The following ERO1A variants were observed in gnomAD, a reference collection of about 807,000 sequenced individuals.
ERO1A encodes ERO1-like protein alpha.
A neutral mutation model predicts 76.9 loss-of-function variants in ERO1A; 49 were observed. The observed-to-expected ratio is 0.64, with a 90% confidence interval of 0.51 to 0.81. The LOEUF is 0.81. Ranked by LOEUF, ERO1A falls within the 30% of genes least tolerant of loss-of-function variation. ERO1A has a pLI of 0.00. For synonymous variants in ERO1A, 174 were observed against 181.2 expected, an observed-to-expected ratio of 0.96 and a Z score of 0.32; for missense variants, 448 against 542.1, an observed-to-expected ratio of 0.83 and a Z score of 1.72.
At chr14:52,656,625 T>A (rs1467299833) in intron 11 of ERO1A, among the ~76,000 whole-genome samples, 1 of 142,998 alleles carries the variant, frequency 7.0e-6, no homozygotes, top group Non-Finnish European at 1.5e-5. Context: ...GGCAGGAGAA[T>A]CACTTGAACC....
intron 4 of ERO1A, among the ~76,000 whole-genome samples, chr14:52,673,881 G>A (rs1167822991): frequency 6.6e-6 from 1 of 152,110 alleles, no homozygotes; most frequent in Non-Finnish European, 1.5e-5. Flanking sequence ...AGGACTACAG[G>A]TGCATGCCAC....
At chr14:52,666,129 G>T (rs17125639) in intron 7 of ERO1A, among the ~76,000 whole-genome samples, 20,208 of 151,948 alleles carry the variant, frequency 0.13, 1,453 homozygotes, top group East Asian at 0.21. Context: ...TCCTATAATC[G>T]ACTCAAGGAA....
rs1435402354 is a variant in ERO1A, at chr14:52,695,381, C to T, written c.101G>A (p.Arg34Lys). Reference protein sequence around the residue: ...EEQPPETAAQRCFCQVSGYLD... With the variant: ...EEQPPETAAQKCFCQVSGYLD... ...CACATCGCTCACCTGGCAGAAGCAC[C>T]TCTGTGCCGCTGTCTCCGGGGGCTG... Residue 34 changes from arginine to lysine, a missense_variant, in exon 1 of 16, where the codon AGG (arginine) becomes AAG (lysine). Transcript: ENST00000395686. 6.7e-7 allele frequency: 1 copy of T among 1,500,946 alleles called. No homozygotes were observed. Among genetic ancestry groups the T allele is most frequent in the Non-Finnish European group, 8.9e-7 (1 of 1,119,334 alleles). The allele number at this position is 1,500,946 out of a possible 1,614,324, so 93.0% of individuals were successfully genotyped here. A position where few individuals can be genotyped will look rare whatever the true frequency, so the allele number is the denominator to read the frequency against.
In ERO1A at chr14:52,641,719, ATCACT is replaced by A. The variant is rs1466090424; in HGVS notation, c.*1846_*1850del. On this transcript the variant is annotated 3_prime_UTR_variant, in exon 16 of 16. Transcript: ENST00000395686. ...CTGTATTTATATTTTATATAGAGTG[ATCACT>A]TCATAGTCTTTTGAGTCTCCAAGAG... 4.6e-5 allele frequency: 7 copies of A among 152,200 alleles called. No homozygotes were observed. The highest frequency in any genetic ancestry group is 1.7e-4 in the African/African-American group (7 of 41,464). 9.4% of individuals were successfully genotyped at this position (152,200 alleles called of 1,614,324 possible). A position where few individuals can be genotyped will look rare whatever the true frequency, so the allele number is the denominator to read the frequency against.
chr14:52,655,227 T>C (rs929612584), intron 11 of ERO1A, among the ~76,000 whole-genome samples: 2 of 152,180 alleles, frequency 1.3e-5, no homozygotes, highest in South Asian at 4.1e-4. Context: ...CAGCCGGGCG[T>C]GGTGGCACAT....
chr14:52,672,947 CCAAA>C (rs1331989792), intron 4 of ERO1A, among the ~76,000 whole-genome samples: 3 of 151,910 alleles, frequency 2.0e-5, no homozygotes, highest in Admixed American at 2.0e-4. Flanking sequence ...GGAGATACTC[CCAAA>C]CACATTTATA....
At chr14:52,661,473 G>A (rs1342908630) in intron 8 of ERO1A, among the ~76,000 whole-genome samples, 169 bp from the exon 9 acceptor site, 1 of 152,074 alleles carries the variant, frequency 6.6e-6, no homozygotes, top group Non-Finnish European at 1.5e-5. Context: ...ACTCTATCTG[G>A]TAGTGATATG....
chr14:52,674,568 T>C (rs180684033), intron 4 of ERO1A, among the ~76,000 whole-genome samples: 112 of 152,376 alleles, frequency 7.4e-4, no homozygotes, highest in Admixed American at 1.3e-3. Context: ...CATTTAACTA[T>C]GTGCAAAGTT....
At position 52,646,364 on chromosome 14, in the gene ERO1A, A is replaced by C. The variant is rs1160029798; in HGVS notation, c.1212+11T>G. The stretch of plus-strand genomic sequence containing the variant: ...GGTAAATGAGAAATAGGAATGACTA[A>C]ATTTGCTTACCTGAAGCTTTCCCCA... On this transcript the variant is annotated intron_variant, in intron 14 of 15. Transcript: ENST00000395686. 2 of 1,608,482 alleles carry C rather than the reference A, an allele frequency of 1.2e-6. No individual in the cohort carries two copies. Among genetic ancestry groups the C allele is most frequent in the Non-Finnish European group, 1.7e-6 (2 of 1,178,284 alleles).
intron 4 of ERO1A, among the ~76,000 whole-genome samples, chr14:52,676,266 C>G (rs971735889): frequency 3.9e-5 from 6 of 152,238 alleles, no homozygotes; most frequent in African/African-American, 1.4e-4. Flanking sequence ...CATTACCAAA[C>G]CATAAAATAA....
intron 4 of ERO1A, among the ~76,000 whole-genome samples, chr14:52,674,873 T>C (rs2040727756): frequency 6.6e-6 from 1 of 152,228 alleles, no homozygotes; most frequent in Non-Finnish European, 1.5e-5. Flanking sequence ...CATTGTATGG[T>C]AATACTTTTA....
In ERO1A at chr14:52,653,330, G is replaced by T. The variant is rs765073762; in HGVS notation, c.809-15C>A. 3.9e-6 allele frequency: 6 copies of T among 1,556,522 alleles called. No homozygotes were observed. The highest frequency in any genetic ancestry group is 1.2e-5 in the South Asian group (1 of 80,608). Reference sequence around the variant, plus strand: ...TAACCAGGTCTCTAAGAAGGAAGAAGAATTAAATATTAAAAACTGAATTTG... The same window carrying T: ...TAACCAGGTCTCTAAGAAGGAAGAATAATTAAATATTAAAAACTGAATTTG... On this transcript the variant is annotated splice_polypyrimidine_tract_variant and intron_variant, in intron 11 of 15. Transcript: ENST00000395686.
chr14:52,689,699 G>A (rs759678755), intron 1 of ERO1A, among the ~76,000 whole-genome samples: 9 of 151,970 alleles, frequency 5.9e-5, no homozygotes, highest in Non-Finnish European at 1.0e-4. Context: ...TTGTTAAAAA[G>A]CCCATACCAC....
chr14:52,657,842 A>G lies in ERO1A; in HGVS notation c.808+75T>C, dbSNP rs972491802. The G allele has an allele frequency of 4.1e-6, 4 of 967,624 alleles. No homozygotes were observed. The African/African-American group carries it at 6.6e-5, about 16-fold the overall frequency. The allele number at this position is 967,624 out of a possible 1,614,324, so 59.9% of individuals were successfully genotyped here. The stretch of plus-strand genomic sequence containing the variant: ...CAATCAGGTCAATCTTTTCCCATTC[A>G]GGTAAATGCCAGGAAAATTTTAAGA... On this transcript the variant is annotated intron_variant, in intron 11 of 15. Transcript: ENST00000395686.
intron 2 of ERO1A, 49 bp downstream of exon 2, chr14:52,683,739 A>T: frequency 1.2e-6 from 1 of 817,156 alleles, no homozygotes; most frequent in Non-Finnish European, 1.8e-6. Context: ...AAGAAAATCT[A>T]ATTATCCATT....
At chr14:52,678,976 G>A (rs941409364) in intron 3 of ERO1A, among the ~76,000 whole-genome samples, 2 of 152,168 alleles carry the variant, frequency 1.3e-5, no homozygotes, top group Admixed American at 1.3e-4. Flanking sequence ...TTATCTAGAA[G>A]TAATAAGTTC....
intron 13 of ERO1A, among the ~76,000 whole-genome samples, chr14:52,647,727 C>G (rs1005188485): frequency 1.6e-4 from 25 of 152,114 alleles, no homozygotes; most frequent in African/African-American, 6.0e-4. Flanking sequence ...ATGGAAATTA[C>G]CAACTGATCC....
rs768820564 is a variant in ERO1A at position 52,695,389 on chromosome 14, C to T, written c.93G>A (p.Ala31=). ...TCACCTGGCAGAAGCACCTCTGTGC[C>T]GCTGTCTCCGGGGGCTGCTCCTCTC... ...GHGEEQPPET[A]AQRCFCQVSG... Residue 31 remains alanine, a synonymous_variant, in exon 1 of 16, where the codon GCG becomes GCA. Transcript: ENST00000395686. 1 of 1,512,784 alleles carries T rather than the reference C, an allele frequency of 6.6e-7. No homozygotes were observed. The highest frequency in any genetic ancestry group is 2.7e-5 in the East Asian group (1 of 37,698). 93.7% of individuals were successfully genotyped at this position (1,512,784 alleles called of 1,614,324 possible). A position where few individuals can be genotyped will look rare whatever the true frequency, so the allele number is the denominator to read the frequency against.
At chr14:52,694,877 G>A (rs1566650231) in intron 1 of ERO1A, among the ~76,000 whole-genome samples, 1 of 152,144 alleles carries the variant, frequency 6.6e-6, no homozygotes, top group Non-Finnish European at 1.5e-5. Context: ...CTTACACACA[G>A]AAAAACCGCA....
Sources: gnomAD v4.1 joint callset for allele counts (sites outside exome capture counted in the v4.1 genomes callset) on GRCh38, gnomAD v4.1.1 for gene constraint, MANE v1.5 for transcripts, NCBI Gene and HGNC (gene_info 2026-07-23, HGNC 2026-07-21) for gene names.